USP21: variants seen among roughly 807,000 people sequenced by gnomAD.
The protein encoded by USP21 is ubiquitin carboxyl-terminal hydrolase 21.
A neutral mutation model predicts 70.8 loss-of-function variants in USP21; 37 were observed. That is an observed-to-expected ratio of 0.52 (90% CI 0.40 to 0.69). USP21 has a LOEUF of 0.69. Among genes scored for constraint, USP21 ranks in the 30% least tolerant of loss-of-function variants. The probability of loss-of-function intolerance (pLI) is 0.00; values close to 1 mark genes in which losing one functional copy is unlikely to be tolerated. For missense variants in USP21, 584 were observed against 740.8 expected, an observed-to-expected ratio of 0.79 and a Z score of 2.46; for synonymous variants, 263 against 283.1, an observed-to-expected ratio of 0.93 and a Z score of 0.71.
chr1:161,164,715 AC>A lies in USP21; in HGVS notation c.1384+106del. ...GAATTTTCCTTAGGAAAAGTCTGCC[AC>A]CCACTTTTCCACAAGATGCTCCCAG... On this transcript the variant is annotated intron_variant, in intron 11 of 13. Transcript: ENST00000368002. The surrounding 1 kb of genome is among the most constrained non-coding windows in gnomAD (Gnocchi z 4.2). 6.2e-7 allele frequency: 1 copy of A among 1,602,056 alleles called. No individual in the cohort carries two copies. The highest frequency in any genetic ancestry group is 8.5e-7 in the Non-Finnish European group (1 of 1,172,152).
chr1:161,160,548 A>G, intron 2 of USP21, 42 bp downstream of exon 2: 1 of 1,419,400 alleles, frequency 7.0e-7, no homozygotes. Context: ...TTAGTGTGGC[A>G]GGGTTCAGTA....
Position 161,162,518 on chromosome 1 carries a change from A to G in USP21, c.782-97A>G. On this transcript the variant is annotated intron_variant, in intron 5 of 13. Coordinates refer to ENST00000368002, the MANE Select transcript of USP21 (RefSeq NM_001014443.3). The surrounding 1 kb of genome is among the most constrained non-coding windows in gnomAD (Gnocchi z 4.1). ...GTTGTATCTACTTTTCCCAGTGCCT[A>G]CTTTCCTAAAGGTTATTTTCTACCC... 6.5e-7 allele frequency: 1 copy of G among 1,533,530 alleles called. No homozygotes were observed. The highest frequency in any genetic ancestry group is 2.3e-5 in the East Asian group (1 of 44,214). The allele number at this position is 1,533,530 out of a possible 1,614,324, so 95.0% of individuals were successfully genotyped here. A position where few individuals can be genotyped will look rare whatever the true frequency, so the allele number is the denominator to read the frequency against.
In USP21 at chr1:161,163,585, A is replaced by G. The variant is rs767167238; in HGVS notation, c.1080A>G (p.Lys360=). The G allele has an allele frequency of 2.5e-6, 4 of 1,609,790 alleles. No individual in the cohort carries two copies. Among genetic ancestry groups the G allele is most frequent in the African/African-American group, 1.3e-5 (1 of 74,406 alleles). ...ATGACCGAGCCAACCTAATGTGGAA[A>G]CGTTACCTGGAGCGAGAGGACAGCA... is the stretch of plus-strand genomic sequence containing the variant. ...SDDDRANLMW[K]RYLEREDSKI... is the part of the protein sequence containing the mutation. The change falls in exon 8 of 14, where the codon AAA becomes AAG. Residue 360 remains lysine (K), a synonymous_variant. Transcript: ENST00000368002.
chr1:161,161,865 A>C lies in USP21; in HGVS notation c.601-173A>C. The C allele has an allele frequency of 1.5e-6, 1 of 665,300 alleles. No individual in the cohort carries two copies. Among genetic ancestry groups the C allele is most frequent in the Non-Finnish European group, 2.7e-6 (1 of 369,672 alleles). The allele number at this position is 665,300 out of a possible 1,614,324, so 41.2% of individuals were successfully genotyped here. The stretch of plus-strand genomic sequence containing the variant: ...TGGTACATTCAGCTGTGATGGGCTT[A>C]CTGCTCATGACCAGTGAGGTAGGGA... On this transcript the variant is annotated intron_variant, in intron 3 of 13. Coordinates refer to ENST00000368002, the MANE Select transcript of USP21 (RefSeq NM_001014443.3). This position sits in a 1 kb window ranked among gnomAD's most constrained non-coding sequence, Gnocchi z 4.2.
Position 161,165,011 on chromosome 1 carries a change from T to G in USP21, c.1493-18T>G, listed in dbSNP as rs769911884. ...GCACAGCTCTGATTATAGAACTTGA[T>G]CATCTCCAACCCCGCAGGAAGTCCT... is the stretch of plus-strand genomic sequence containing the variant. On this transcript the variant is annotated intron_variant, in intron 12 of 13. Transcript: ENST00000368002. 5.6e-6 allele frequency: 9 copies of G among 1,613,752 alleles called. No individual in the cohort carries two copies. The Admixed American group carries it at 1.5e-4, about 27-fold the overall frequency.
Position 161,163,594 on chromosome 1 carries a change from G to A in USP21, c.1089G>A (p.Leu363=). The A allele has an allele frequency of 1.2e-6, 2 of 1,613,186 alleles. No homozygotes were observed. Among genetic ancestry groups the A allele is most frequent in the East Asian group, 2.2e-5 (1 of 44,822 alleles). ...CCAACCTAATGTGGAAACGTTACCT[G>A]GAGCGAGAGGACAGCAAGATTGTGG... The part of the protein sequence containing the change: ...DRANLMWKRY[L]EREDSKIVDL... The change falls in exon 8 of 14, where the codon CTG becomes CTA. Residue 363 remains leucine (L), a synonymous_variant. Transcript: ENST00000368002.
chr1:161,162,608 C>A lies in USP21; in HGVS notation c.782-7C>A. On this transcript the variant is annotated splice_region_variant and splice_polypyrimidine_tract_variant and intron_variant, in intron 5 of 13. Coordinates refer to ENST00000368002, the MANE Select transcript of USP21 (RefSeq NM_001014443.3). This position sits in a 1 kb window ranked among gnomAD's most constrained non-coding sequence, Gnocchi z 4.1. ...TTTGTTTGCCTTCCCCACTCCCATC[C>A]CAACAGCCTTTGCAGATGTGATTGG... The A allele has an allele frequency of 6.2e-7, 1 of 1,607,712 alleles. No individual in the cohort carries two copies. The highest frequency in any genetic ancestry group is 8.5e-7 in the Non-Finnish European group (1 of 1,174,170).
chr1:161,161,650 T>C lies in USP21; in HGVS notation c.601-388T>C, dbSNP rs1475637173. ...GCTAAGTAAGCTAGGCTGATTGCAA[T>C]TGGAGCCAGCAGGAGAAGGGCAAGA... On this transcript the variant is annotated intron_variant, in intron 3 of 13. Coordinates refer to ENST00000368002, the MANE Select transcript of USP21 (RefSeq NM_001014443.3). This position sits in a 1 kb window ranked among gnomAD's most constrained non-coding sequence, Gnocchi z 4.2. 2.6e-6 allele frequency: 1 copy of C among 381,710 alleles called. No homozygotes were observed. The highest frequency in any genetic ancestry group is 2.0e-5 in the African/African-American group (1 of 49,134). 23.6% of individuals were successfully genotyped at this position (381,710 alleles called of 1,614,324 possible). A position where few individuals can be genotyped will look rare whatever the true frequency, so the allele number is the denominator to read the frequency against.
In USP21 at chr1:161,162,825, TTCA is replaced by T; in HGVS notation, c.894-91_894-89del. On this transcript the variant is annotated intron_variant, in intron 6 of 13. Coordinates refer to ENST00000368002, the MANE Select transcript of USP21 (RefSeq NM_001014443.3). The surrounding 1 kb of genome is among the most constrained non-coding windows in gnomAD (Gnocchi z 4.1). ...CATTGTTCTGAGCCTTGAGATGTTCTTCATCCAGGAAGTGGGGACCAATATCTG... is the reference window on the plus strand; with the variant it reads ...CATTGTTCTGAGCCTTGAGATGTTCTTCCAGGAAGTGGGGACCAATATCTG... The T allele has an allele frequency of 6.3e-7, 1 of 1,582,252 alleles. No individual in the cohort carries two copies. Among genetic ancestry groups the T allele is most frequent in the Non-Finnish European group, 8.7e-7 (1 of 1,153,462 alleles).
rs1657922183 is a variant in USP21, at chr1:161,161,404, A to C, written c.600+164A>C. 1.1e-6 allele frequency: 1 copy of C among 903,326 alleles called. No individual in the cohort carries two copies. The highest frequency in any genetic ancestry group is 1.9e-5 in the South Asian group (1 of 53,552). 56.0% of individuals were successfully genotyped at this position (903,326 alleles called of 1,614,324 possible). ...TTGCTTAAATACCCTTGAGCCTCCT[A>C]GACCCTTTTTTGGGTTGTTGGTGAC... On this transcript the variant is annotated intron_variant, in intron 3 of 13. Transcript: ENST00000368002. The surrounding 1 kb of genome is among the most constrained non-coding windows in gnomAD (Gnocchi z 4.2).
Position 161,163,625 on chromosome 1 carries a change from G to T in USP21, c.1114+6G>T. The T allele has an allele frequency of 6.4e-7, 1 of 1,567,432 alleles. No individual in the cohort carries two copies. The highest frequency in any genetic ancestry group is 8.7e-7 in the Non-Finnish European group (1 of 1,152,846). ...AGAGGACAGCAAGATTGTGGGTATG[G>T]AATGGGGCAAAGCAATGAGGGAAAA... On this transcript the variant is annotated splice_donor_region_variant and intron_variant, in intron 8 of 13. Transcript: ENST00000368002.
At position 161,164,020 on chromosome 1, in the gene USP21, G is replaced by A; in HGVS notation, c.1218+39G>A. The A allele has an allele frequency of 1.2e-6, 2 of 1,605,100 alleles. No homozygotes were observed. The highest frequency in any genetic ancestry group is 2.2e-5 in the South Asian group (2 of 90,900). Reference sequence around the variant, plus strand: ...GGATTCCGGGGTGGACAGGACAGGGGCTCTGTGACCCAAGCCTACCCACCC... The same window carrying A: ...GGATTCCGGGGTGGACAGGACAGGGACTCTGTGACCCAAGCCTACCCACCC... On this transcript the variant is annotated intron_variant, in intron 9 of 13. Transcript: ENST00000368002. This position sits in a 1 kb window ranked among gnomAD's most constrained non-coding sequence, Gnocchi z 4.2.
intron 1 of USP21, among the ~76,000 whole-genome samples, chr1:161,159,990 G>A (rs561228505): frequency 6.6e-6 from 1 of 152,286 alleles, no homozygotes; most frequent in Non-Finnish European, 1.5e-5. Flanking sequence ...TCTGAACCTC[G>A]ACACCATGTC....
Position 161,160,896 on chromosome 1 carries a change from C to G in USP21, c.256C>G (p.His86Asp). ...PRPRGPLRAD[H>D]GVPLPGSPPP... The stretch of plus-strand genomic sequence containing the variant: ...TCCCAGAGGCCCCCTTCGAGCAGAT[C>G]ATGGGGTTCCCCTGCCTGGCTCACC... Residue 86 changes from histidine to aspartate, a missense_variant, in exon 3 of 14, where the codon CAT becomes GAT. By Grantham distance (81) the His-to-Asp change is moderately conservative. This residue lies in a region of USP21 where 284 missense variants were observed against 281.0 expected (regional missense o/e 1.01). Coordinates refer to ENST00000368002, the MANE Select transcript of USP21 (RefSeq NM_001014443.3). 2 of 1,614,246 alleles carry G rather than the reference C, an allele frequency of 1.2e-6. No homozygotes were observed. The highest frequency in any genetic ancestry group is 1.7e-6 in the Non-Finnish European group (2 of 1,180,036).
rs1658289800 is a variant in USP21 at position 161,164,373 on chromosome 1, G to A, written c.1305+123G>A. 9 of 1,320,308 alleles carry A rather than the reference G, an allele frequency of 6.8e-6. No individual in the cohort carries two copies. Among genetic ancestry groups the A allele is most frequent in the Non-Finnish European group, 9.7e-6 (9 of 926,674 alleles). The allele number at this position is 1,320,308 out of a possible 1,614,324, so 81.8% of individuals were successfully genotyped here. A position where few individuals can be genotyped will look rare whatever the true frequency, so the allele number is the denominator to read the frequency against. On this transcript the variant is annotated intron_variant, in intron 10 of 13. Transcript: ENST00000368002. The surrounding 1 kb of genome is among the most constrained non-coding windows in gnomAD (Gnocchi z 4.2). Reference sequence around the variant, plus strand: ...ATATTTATGTATCTGGGTTTGTGTTGGAGTCTCAGATCTGTTCTAGTACTC... The same window carrying A: ...ATATTTATGTATCTGGGTTTGTGTTAGAGTCTCAGATCTGTTCTAGTACTC...
In USP21 at chr1:161,165,434, C is replaced by G. The variant is rs1257292777; in HGVS notation, c.1685C>G (p.Pro562Arg). 9 of 1,613,866 alleles carry G rather than the reference C, an allele frequency of 5.6e-6. No individual in the cohort carries two copies. The highest frequency in any genetic ancestry group is 6.8e-6 in the Non-Finnish European group (8 of 1,179,924). The change falls in exon 14 of 14, where the codon CCC becomes CGC. Residue 562 changes from proline to arginine, a missense_variant. Around this residue, in one of 4 missense-constraint regions of USP21, gnomAD observed 173 missense variants for 268.2 expected, o/e 0.65. Coordinates refer to ENST00000368002, the MANE Select transcript of USP21 (RefSeq NM_001014443.3). ...VLFYQLMQEP[P>R]RCL The stretch of plus-strand genomic sequence containing the variant: ...TTCTACCAACTGATGCAGGAGCCAC[C>G]CCGGTGCCTGTGACACCTCTAAGCT...
chr1:161,165,330 C>A (rs1311842976), intron 13 of USP21, 27 bp from the exon 14 acceptor site: 24 of 1,603,240 alleles, frequency 1.5e-5, no homozygotes, highest in Non-Finnish European at 1.9e-5. Context: ...ATGACCACAA[C>A]CCTTTCCCGA....
Position 161,161,639 on chromosome 1 carries a change from G to A in USP21, c.600+399G>A, listed in dbSNP as rs1657935916. Reference sequence around the variant, plus strand: ...ACATTTTCTGAGCTAAGTAAGCTAGGCTGATTGCAATTGGAGCCAGCAGGA... The same window carrying A: ...ACATTTTCTGAGCTAAGTAAGCTAGACTGATTGCAATTGGAGCCAGCAGGA... On this transcript the variant is annotated intron_variant, in intron 3 of 13. Transcript: ENST00000368002. This position sits in a 1 kb window ranked among gnomAD's most constrained non-coding sequence, Gnocchi z 4.2. 2.6e-6 allele frequency: 1 copy of A among 386,600 alleles called. No homozygotes were observed. The highest frequency in any genetic ancestry group is 4.8e-6 in the Non-Finnish European group (1 of 210,158). The allele number at this position is 386,600 out of a possible 1,614,324, so 23.9% of individuals were successfully genotyped here.
In USP21 at chr1:161,161,717, T is replaced by G; in HGVS notation, c.601-321T>G. The stretch of plus-strand genomic sequence containing the variant: ...GGAGGGGGTTTTGGGGGCAGAAAGG[T>G]GGGAGTGGTGAGCAGCTGGGCAACC... On this transcript the variant is annotated intron_variant, in intron 3 of 13. Coordinates refer to ENST00000368002, the MANE Select transcript of USP21 (RefSeq NM_001014443.3). The surrounding 1 kb of genome is among the most constrained non-coding windows in gnomAD (Gnocchi z 4.2). 2.2e-6 allele frequency: 1 copy of G among 449,830 alleles called. No individual in the cohort carries two copies. Among genetic ancestry groups the G allele is most frequent in the Non-Finnish European group, 4.0e-6 (1 of 248,150 alleles). The allele number at this position is 449,830 out of a possible 1,614,324, so 27.9% of individuals were successfully genotyped here.
Sources: gnomAD v4.1 joint callset for allele counts (sites outside exome capture counted in the v4.1 genomes callset) on GRCh38, gnomAD v4.1.1 for gene constraint, gnomAD v4.1.1 regional missense constraint, Gnocchi (gnomAD v3.1) non-coding constraint, MANE v1.5 for transcripts, NCBI Gene and HGNC (gene_info 2026-07-23, HGNC 2026-07-21) for gene names.